Variants in ROPN1L observed in about 807,000 individuals in gnomAD.
ROPN1L encodes the protein rhophilin associated tail protein 1 like.
Under a neutral mutation model 22.7 loss-of-function variants are expected in ROPN1L, and 23 were observed. That is an observed-to-expected ratio of 1.01 (90% CI 0.73 to 1.43). The LOEUF (loss-of-function observed/expected upper bound fraction) is 1.43, where lower values mean the gene tolerates loss of function less well. ROPN1L is among the 40% of genes most tolerant of loss of function. The pLI is 0.00. For missense variants in ROPN1L, 271 were observed against 291.5 expected (o/e 0.93, Z 0.51); for synonymous variants, 116 against 117.8 (o/e 0.98, Z 0.10).
downstream of ROPN1L, among the ~76,000 whole-genome samples, chr5:10,466,391 A>G (rs2648809): frequency 0.2 from 30,041 of 152,102 alleles, 4,208 homozygotes; most frequent in East Asian, 0.66. Flanking sequence ...GAGGCTGCCC[A>G]CGTTTACCAA....
chr5:10,455,598 C>T (rs1741391976), intron 3 of ROPN1L, among the ~76,000 whole-genome samples: 1 of 152,258 alleles, frequency 6.6e-6, no homozygotes, highest in Non-Finnish European at 1.5e-5. Context: ...GCCGCTGTGG[C>T]CTCCCCATCC....
intron 1 of ROPN1L, among the ~76,000 whole-genome samples, chr5:10,443,697 A>G (rs1481600227): frequency 2.6e-5 from 4 of 151,452 alleles, no homozygotes; most frequent in African/African-American, 9.7e-5. Context: ...TAGTTTCACT[A>G]GGCTAAAATC....
chr5:10,452,311 G>C (rs13155900), intron 3 of ROPN1L, among the ~76,000 whole-genome samples: 84,381 of 126,340 alleles, frequency 0.67, 30,703 homozygotes, highest in Non-Finnish European at 0.85. Context: ...GTGTGTGTGT[G>C]TGTCTGTGTG....
At chr5:10,451,404 C>G (rs546655891) in intron 3 of ROPN1L, among the ~76,000 whole-genome samples, 1 of 152,238 alleles carries the variant, frequency 6.6e-6, no homozygotes, top group Admixed American at 6.5e-5. Context: ...TCCTGCTTCT[C>G]GCTTCCTGAC....
intron 3 of ROPN1L, among the ~76,000 whole-genome samples, chr5:10,451,261 G>C (rs1741242954): frequency 6.6e-6 from 1 of 152,144 alleles, no homozygotes; most frequent in Non-Finnish European, 1.5e-5. Flanking sequence ...TACTTGAAAT[G>C]GGTGGTGGTA....
intron 1 of ROPN1L, among the ~76,000 whole-genome samples, chr5:10,446,853 G>A (rs1453555887): frequency 6.6e-6 from 1 of 152,108 alleles, no homozygotes; most frequent in African/African-American, 2.4e-5. Context: ...TGATTAGTAG[G>A]AATGTGGCAA....
chr5:10,461,121 C>A (rs1481750717), intron 3 of ROPN1L, 63 bp from the exon 4 acceptor site: 1 of 1,474,000 alleles, frequency 6.8e-7, no homozygotes. Context: ...CTGATGCCTG[C>A]TTTCAATGTG....
At chr5:10,467,187 A>C (rs1735169347), downstream of ROPN1L, among the ~76,000 whole-genome samples, 1 of 151,920 alleles carries the variant, frequency 6.6e-6, no homozygotes, top group Non-Finnish European at 1.5e-5. Context: ...TTTTAGCCTG[A>C]CTTGGCAAGT....
downstream of ROPN1L, among the ~76,000 whole-genome samples, chr5:10,467,416 C>T (rs1735173094): frequency 6.6e-6 from 1 of 152,150 alleles, no homozygotes; most frequent in South Asian, 2.1e-4. Context: ...CCTGGAAGAA[C>T]AAAACCACGG....
intron 1 of ROPN1L, among the ~76,000 whole-genome samples, chr5:10,443,998 A>G (rs935470515): frequency 5.3e-5 from 8 of 152,182 alleles, no homozygotes; most frequent in African/African-American, 7.2e-5. Context: ...GGTTCCTGGA[A>G]CATGGACCTG....
At chr5:10,474,274 C>T (rs181088726), downstream of ROPN1L, among the ~76,000 whole-genome samples, 20 of 152,294 alleles carry the variant, frequency 1.3e-4, no homozygotes, top group African/African-American at 4.6e-4. Flanking sequence ...AGACACGCCC[C>T]ATTGAATCTC....
chr5:10,454,756 T>G (rs938451520), intron 3 of ROPN1L, among the ~76,000 whole-genome samples: 9 of 152,200 alleles, frequency 5.9e-5, no homozygotes, highest in Non-Finnish European at 8.8e-5. Flanking sequence ...ATTTCTAGGG[T>G]TTAACCGGGT....
chr5:10,461,291 G>A lies in ROPN1L; in HGVS notation c.525G>A (p.Leu175=). 1 of 1,614,128 alleles carries A rather than the reference G, an allele frequency of 6.2e-7. No homozygotes were observed. Among genetic ancestry groups the A allele is most frequent in the Non-Finnish European group, 8.5e-7 (1 of 1,180,032 alleles). ...FKTFSYVYRY[L]ARLDSDVSPL... ...CGTTTTCCTACGTTTACCGCTACTTGGCCAGATTAGACTCAGATGTGTCTC... is the reference window on the plus strand; with the variant it reads ...CGTTTTCCTACGTTTACCGCTACTTAGCCAGATTAGACTCAGATGTGTCTC... The change falls in exon 4 of 5, where the codon TTG becomes TTA. Residue 175 remains leucine, a synonymous_variant. Transcript: ENST00000274134.
intron 1 of ROPN1L, among the ~76,000 whole-genome samples, chr5:10,443,280 G>C (rs1561166129): frequency 6.6e-6 from 1 of 151,884 alleles, no homozygotes; most frequent in African/African-American, 2.4e-5. Flanking sequence ...AATTAGTTTC[G>C]TTTGGCTGCT....
chr5:10,450,676 G>A (rs1323243081), intron 3 of ROPN1L, among the ~76,000 whole-genome samples: 1 of 152,088 alleles, frequency 6.6e-6, no homozygotes, highest in Non-Finnish European at 1.5e-5. Flanking sequence ...GGCTAATTTT[G>A]TATTTTTAGT....
intron 3 of ROPN1L, among the ~76,000 whole-genome samples, chr5:10,452,289 G>T (rs1316087118): frequency 7.4e-6 from 1 of 135,556 alleles, no homozygotes; most frequent in Non-Finnish European, 1.5e-5. Flanking sequence ...TAAAGTATAT[G>T]TGTGTGTGTG....
chr5:10,480,261 A>G, the ROPN1L span, among the ~76,000 whole-genome samples: 1 of 152,174 alleles, frequency 6.6e-6, no homozygotes, highest in Admixed American at 6.5e-5. Flanking sequence ...GATTTTTTTC[A>G]TTAATTCGAA....
chr5:10,464,928 C>G lies in ROPN1L; in HGVS notation c.674C>G (p.Ser225Cys). Residue 225 changes from serine to cysteine, a missense_variant, in exon 5 of 5, where the codon TCT (serine) becomes TGT (cysteine). Ser to Cys is a moderately radical substitution (Grantham distance 112). Coordinates refer to ENST00000274134, the MANE Select transcript of ROPN1L (RefSeq NM_031916.5). ...KRKLLESIEN[S>C]EDVGH ...AAACTTTTAGAAAGCATTGAAAACT[C>G]TGAAGATGTAGGCCATTAATACAGA... 2 of 1,598,386 alleles carry G rather than the reference C, an allele frequency of 1.3e-6. No homozygotes were observed. The highest frequency in any genetic ancestry group is 8.5e-7 in the Non-Finnish European group (1 of 1,170,516).
At chr5:10,458,156 G>C (rs149608268) in intron 3 of ROPN1L, among the ~76,000 whole-genome samples, 2 of 151,998 alleles carry the variant, frequency 1.3e-5, no homozygotes, top group Non-Finnish European at 2.9e-5. Flanking sequence ...ACCGGGCTCC[G>C]AGGAAATCCT....
Sources: allele counts gnomAD v4.1 joint callset (sites outside exome capture counted in the v4.1 genomes callset), GRCh38; gene constraint gnomAD v4.1.1; transcripts MANE v1.5; gene names NCBI Gene and HGNC (gene_info 2026-07-23, HGNC 2026-07-21).